AGBL1: variants seen among roughly 807,000 people sequenced by gnomAD.
AGBL1 encodes cytosolic carboxypeptidase 4.
In AGBL1, 130 loss-of-function variants were observed where a neutral mutation model predicts 118.9. The observed-to-expected ratio is 1.09, with a 90% CI of 0.95 to 1.26. AGBL1 has a LOEUF of 1.26. AGBL1 is among the 50% of genes most tolerant of loss of function. AGBL1 has a pLI of 0.00. For missense variants in AGBL1, 1,584 were observed against 1,298.1 expected (o/e 1.22, Z -3.38); for synonymous variants, 555 against 478.9 (o/e 1.16, Z -2.08).
chr15:86,765,826 C>T (rs1201049153), intron 22 of AGBL1, among the ~76,000 whole-genome samples: 1 of 151,776 alleles, frequency 6.6e-6, no homozygotes, highest in Non-Finnish European at 1.5e-5. Context: ...AGATAAAACA[C>T]AACAGGATTA....
At chr15:86,090,372 G>C (rs1465958338) in intron 1 of AGBL1, among the ~76,000 whole-genome samples, 1 of 152,154 alleles carries the variant, frequency 6.6e-6, no homozygotes, top group African/African-American at 2.4e-5. Context: ...CCCCCTATTA[G>C]ATTCTACTTC....
intron 23 of AGBL1, among the ~76,000 whole-genome samples, chr15:86,972,089 T>C (rs980272474): frequency 5.9e-5 from 9 of 152,042 alleles, no homozygotes; most frequent in African/African-American, 2.2e-4. Context: ...CAGGCAGTTC[T>C]TTGTAGCAAT....
At chr15:86,328,671 G>A (rs1457070550) in intron 17 of AGBL1, among the ~76,000 whole-genome samples, 1 of 152,076 alleles carries the variant, frequency 6.6e-6, no homozygotes, top group East Asian at 1.9e-4. Flanking sequence ...TTTGAGTGAA[G>A]CCCCAGTACA....
chr15:86,575,023 T>C (rs907873873), intron 21 of AGBL1, among the ~76,000 whole-genome samples: 3 of 151,672 alleles, frequency 2.0e-5, no homozygotes, highest in African/African-American at 7.3e-5. Flanking sequence ...ACCCCATCTC[T>C]ACTAAAAATA....
At chr15:86,147,581 C>T (rs1475940548) in intron 3 of AGBL1, among the ~76,000 whole-genome samples, 4 of 152,170 alleles carry the variant, frequency 2.6e-5, no homozygotes, top group African/African-American at 9.7e-5. Context: ...ATTGCTGAGG[C>T]CTGACTAGGT....
intron 20 of AGBL1, 49 bp downstream of exon 20, chr15:86,546,182 C>A: frequency 1.3e-6 from 2 of 1,531,516 alleles, no homozygotes; most frequent in South Asian, 1.2e-5. Context: ...TCATATTCTT[C>A]ATTCTTACCT....
At chr15:86,875,698 G>A (rs750140023) in intron 22 of AGBL1, among the ~76,000 whole-genome samples, 2 of 152,150 alleles carry the variant, frequency 1.3e-5, no homozygotes, top group Non-Finnish European at 2.9e-5. Flanking sequence ...ATGTTCAAAG[G>A]CTGGATTAAA....
chr15:86,968,721 T>C (rs1168957168), intron 23 of AGBL1, among the ~76,000 whole-genome samples: 1 of 151,922 alleles, frequency 6.6e-6, no homozygotes, highest in East Asian at 1.9e-4. Flanking sequence ...CAGGCTGCTA[T>C]AACAAAATGG....
rs141346712 is a variant in AGBL1 at position 86,375,711 on chromosome 15, G to A, written c.2375-21655G>A. On this transcript the variant is annotated intron_variant, in intron 17 of 22. Transcript: ENST00000614907. Reference sequence around the variant, plus strand: ...GCAGGGAAGAAACACAGTCTCTTGTGTAGCCCTTAGCTGGCCCTAAAAATC... The same window carrying A: ...GCAGGGAAGAAACACAGTCTCTTGTATAGCCCTTAGCTGGCCCTAAAAATC... Among the ~76,000 whole-genome samples, 1,041 of 152,324 alleles carry A rather than the reference G, an allele frequency of 6.8e-3. 10 individuals are homozygous for A. Among genetic ancestry groups the A allele is most frequent in the African/African-American group, 0.024 (987 of 41,566 alleles).
intron 18 of AGBL1, among the ~76,000 whole-genome samples, chr15:86,474,710 C>T (rs1055022726): frequency 2.0e-5 from 3 of 152,210 alleles, no homozygotes; most frequent in East Asian, 1.9e-4. Context: ...CCCTGTCTGA[C>T]AGCTTTGAAG....
intron 22 of AGBL1, among the ~76,000 whole-genome samples, chr15:86,752,809 A>G (rs1293838286): frequency 6.6e-6 from 1 of 152,146 alleles, no homozygotes; most frequent in African/African-American, 2.4e-5. Context: ...TTTGTTGCTT[A>G]TAAAAGGAGT....
chr15:86,135,205 C>T (rs1051121925), intron 1 of AGBL1, among the ~76,000 whole-genome samples: 13 of 152,196 alleles, frequency 8.5e-5, no homozygotes, highest in African/African-American at 2.9e-4. Flanking sequence ...CACTTCCCTT[C>T]CTTCTCTCAC....
At chr15:86,189,337 T>A (rs562688320) in intron 5 of AGBL1, among the ~76,000 whole-genome samples, 1 of 152,272 alleles carries the variant, frequency 6.6e-6, no homozygotes, top group African/African-American at 2.4e-5. Context: ...GGGTGGAGAT[T>A]TGGGGATGAA....
chr15:86,594,922 T>G (rs1004258688), intron 21 of AGBL1, among the ~76,000 whole-genome samples: 1 of 151,494 alleles, frequency 6.6e-6, no homozygotes, highest in Non-Finnish European at 1.5e-5. Context: ...ACTAATTGTC[T>G]CCACTTTGCT....
At chr15:86,168,287 TGA>T (rs1167722552) in intron 5 of AGBL1, among the ~76,000 whole-genome samples, 2 of 152,170 alleles carry the variant, frequency 1.3e-5, no homozygotes, top group African/African-American at 4.8e-5. Context: ...AGGAACTCAC[TGA>T]GAGGGCAGCT....
At chr15:86,961,869 T>A (rs1338212694) in intron 23 of AGBL1, among the ~76,000 whole-genome samples, 1 of 151,954 alleles carries the variant, frequency 6.6e-6, no homozygotes, top group African/African-American at 2.4e-5. Flanking sequence ...CCTAGGATAA[T>A]CTTGATTCAG....
chr15:86,260,272 C>T (rs921214810), intron 9 of AGBL1, among the ~76,000 whole-genome samples: 3 of 152,214 alleles, frequency 2.0e-5, no homozygotes, highest in Non-Finnish European at 2.9e-5. Context: ...TGATCCAGGC[C>T]TTTAACCTGT....
intron 22 of AGBL1, among the ~76,000 whole-genome samples, chr15:86,883,201 AC>A (rs1474981640): frequency 6.6e-6 from 1 of 152,268 alleles, no homozygotes; most frequent in East Asian, 1.9e-4. Context: ...TTAAATAATT[AC>A]ATCTAATGCT....
intron 22 of AGBL1, among the ~76,000 whole-genome samples, chr15:86,792,630 A>T (rs1469141099): frequency 7.2e-5 from 11 of 152,030 alleles, no homozygotes; most frequent in Non-Finnish European, 1.6e-4. Context: ...CTGCACCTTT[A>T]AAATAATTCT....
Sources: gnomAD v4.1 joint callset for allele counts (sites outside exome capture counted in the v4.1 genomes callset) on GRCh38, gnomAD v4.1.1 for gene constraint, MANE v1.5 for transcripts, NCBI Gene and HGNC (gene_info 2026-07-23, HGNC 2026-07-21) for gene names.